SYNE2: variants seen among roughly 807,000 people sequenced by gnomAD.
SYNE2 encodes nesprin-2.
A neutral mutation model predicts 856.3 loss-of-function variants in SYNE2; 431 were observed. The ratio of observed to expected loss-of-function variants is 0.50; its 90% confidence interval spans 0.47 to 0.55. SYNE2 has a LOEUF of 0.55. SYNE2 is among the 20% of genes least tolerant of loss of function. The pLI, the probability that SYNE2 is intolerant of heterozygous loss-of-function variation, is 0.00. For synonymous variants in SYNE2, 2,923 were observed against 2,872.3 expected (o/e 1.02, Z -0.56); for missense variants, 8,129 against 8,023.2 (o/e 1.01, Z -0.50).
At chr14:64,039,085 T>A (rs1262576809) in intron 45 of SYNE2, among the ~76,000 whole-genome samples, 5 of 152,202 alleles carry the variant, frequency 3.3e-5, no homozygotes, top group Non-Finnish European at 5.9e-5. Flanking sequence ...CCTCTGAGAC[T>A]GTGTTGATCT....
chr14:63,793,056 A>T (rs772861826), intron 1 of SYNE2, among the ~76,000 whole-genome samples: 4 of 152,162 alleles, frequency 2.6e-5, no homozygotes, highest in Non-Finnish European at 5.9e-5. Context: ...TAGCACACAG[A>T]ACACTTCATT....
intron 6 of SYNE2, 21 bp from the exon 7 acceptor site, chr14:63,949,802 TAA>T (rs745975731): frequency 2.5e-6 from 4 of 1,613,794 alleles, no homozygotes; most frequent in Non-Finnish European, 3.4e-6. Context: ...TTATAAACGT[TAA>T]GTCTACTTTG....
chr14:64,051,627 G>C lies in SYNE2; in HGVS notation c.7714G>C (p.Asp2572His). ...KFIASIEKEK[D>H]SLGNLKIKWE... is the part of the protein sequence containing the mutation. ...CATAGCATCCATAGAAAAAGAGAAA[G>C]ATTCTTTAGGCAACTTGAAAATCAA... The change falls in exon 48 of 116, where the codon GAT (aspartate) becomes CAT (histidine). Residue 2572 changes from aspartate to histidine, a missense_variant. This residue lies in a region of SYNE2 where 5,410 missense variants were observed against 5,284.8 expected (regional missense o/e 1.02). Transcript: ENST00000555002. 6.2e-7 allele frequency: 1 copy of C among 1,614,002 alleles called. No homozygotes were observed. Among genetic ancestry groups the C allele is most frequent in the East Asian group, 2.2e-5 (1 of 44,884 alleles).
Position 64,062,858 on chromosome 14 carries a change from C to CTT in SYNE2, c.10176_10177dup (p.Tyr3393PhefsTer6), listed in dbSNP as rs2097328309. On this transcript the variant is annotated frameshift_variant, in exon 50 of 116. Transcript: ENST00000555002. LOFTEE classifies it high-confidence loss of function. The stretch of plus-strand genomic sequence containing the variant: ...CAGTCCATGTCCTCGTTGCCACTGT[C>CTT]TTACAGAGAAGCTTTAGAGCGCTTG... The CTT allele has an allele frequency of 6.2e-7, 1 of 1,614,048 alleles. No individual in the cohort carries two copies. The highest frequency in any genetic ancestry group is 1.3e-5 in the African/African-American group (1 of 74,932).
rs762204793 is a variant in SYNE2, at chr14:64,002,012, G to A, written c.3717G>A (p.Leu1239=). The part of the protein sequence containing the change: ...KASLLLCGSD[L]PLHKMAIQGF... ...CACTTCTTCTCTGTGGCTCGGACCT[G>A]CCTCTCCATAAAATGGCCATCCAGG... Residue 1239 remains leucine (L), a synonymous_variant, in exon 29 of 116, where the codon CTG becomes CTA. Transcript: ENST00000555002. 3.7e-6 allele frequency: 6 copies of A among 1,613,966 alleles called. No homozygotes were observed. The East Asian group carries it at 1.1e-4, about 30-fold the overall frequency.
At position 64,113,536 on chromosome 14, in the gene SYNE2, C is replaced by G; in HGVS notation, c.12805C>G (p.Gln4269Glu). ...GCCGGAAACATTAAACGCAGACATG[C>G]AGCAGGTGCTGGAACAGCAGCTGGT... ...VEPETLNADM[Q>E]QVLEQQLVGC... Residue 4269 changes from glutamine (Q) to glutamate (E), a missense_variant, in exon 66 of 116, where the codon CAG becomes GAG. Gln to Glu is a conservative substitution (Grantham distance 29). Transcript: ENST00000555002. 1.2e-6 allele frequency: 2 copies of G among 1,612,790 alleles called. No homozygotes were observed. Among genetic ancestry groups the G allele is most frequent in the Admixed American group, 3.3e-5 (2 of 59,874 alleles).
rs2098662163 is a variant in SYNE2, at chr14:64,215,512, T to C, written c.19402+158T>C. ...GTATTTACACTGCCGTACTCACCCATAACTGCGTGCTCCTTACAAAACCCC... is the reference window on the plus strand; with the variant it reads ...GTATTTACACTGCCGTACTCACCCACAACTGCGTGCTCCTTACAAAACCCC... On this transcript the variant is annotated intron_variant, in intron 107 of 115. Transcript: ENST00000555002. 1.9e-5 allele frequency: 15 copies of C among 782,588 alleles called. No homozygotes were observed. In the South Asian group the frequency reaches 2.1e-4, roughly 11 times the overall value. The allele number at this position is 782,588 out of a possible 1,614,324, so 48.5% of individuals were successfully genotyped here.
Position 63,932,317 on chromosome 14 carries a change from G to A in SYNE2, c.80-8297G>A, listed in dbSNP as rs185332190. Among the ~76,000 whole-genome samples, 157 of 152,322 alleles carry A rather than the reference G, an allele frequency of 1.0e-3. No individual in the cohort carries two copies. The Middle Eastern group carries it at 0.037, about 36-fold the overall frequency. ...GAATCACTTAAACCCGGAAGGCGGA[G>A]GTTGCAGTGAGCCGAGATCGTGCCA... is the stretch of plus-strand genomic sequence containing the variant. On this transcript the variant is annotated intron_variant, in intron 2 of 115. Coordinates refer to ENST00000555002, the MANE Select transcript of SYNE2 (RefSeq NM_182914.3).
At chr14:64,177,608 G>C (rs552843296) in intron 96 of SYNE2, 125 bp downstream of exon 96, 5 of 1,278,624 alleles carry the variant, frequency 3.9e-6, no homozygotes, top group South Asian at 2.5e-5. Flanking sequence ...ATATTTTCCC[G>C]ATCTGTCTAA....
chr14:63,976,571 A>C lies in SYNE2; in HGVS notation c.1137A>C (p.Ala379=). The C allele has an allele frequency of 2.6e-6, 4 of 1,564,092 alleles. No individual in the cohort carries two copies. The highest frequency in any genetic ancestry group is 3.5e-6 in the Non-Finnish European group (4 of 1,149,872). The change falls in exon 12 of 116, where the codon GCA becomes GCC. Residue 379 remains alanine, a synonymous_variant. Coordinates refer to ENST00000555002, the MANE Select transcript of SYNE2 (RefSeq NM_182914.3). ...TTTTTTTTTTTTTTCAGATTAATGC[A>C]TGGAAAATAAAGCTAAATTATGCCT... ...AWDGLDHQIN[A]WKIKLNYALP... is the part of the protein sequence containing the mutation.
At chr14:64,082,328 T>C (rs576594816) in intron 57 of SYNE2, among the ~76,000 whole-genome samples, 2 of 152,272 alleles carry the variant, frequency 1.3e-5, no homozygotes, top group South Asian at 2.1e-4. Flanking sequence ...CTCTCTAATA[T>C]GGGATTTTGG....
At chr14:64,087,955 G>A in intron 58 of SYNE2, 99 bp downstream of exon 58, 1 of 1,315,806 alleles carries the variant, frequency 7.6e-7, no homozygotes, top group Non-Finnish European at 1.1e-6. Flanking sequence ...GGCCAAGGCG[G>A]GTGGATCACT....
Position 64,070,857 on chromosome 14 carries a change from G to T in SYNE2, c.10644G>T (p.Val3548=), listed in dbSNP as rs1483848620. The T allele has an allele frequency of 6.2e-7, 1 of 1,614,002 alleles. No individual in the cohort carries two copies. The highest frequency in any genetic ancestry group is 1.3e-5 in the African/African-American group (1 of 74,898). The change falls in exon 52 of 116, where the codon GTG becomes GTT. Residue 3548 remains valine (V), a synonymous_variant. Transcript: ENST00000555002. ...ATGTTCCTGAAAGCTCAGGGGCTGT[G>T]GAAACTGTTCCAGCATTTCAAGAAA... The part of the protein sequence containing the change: ...IQNVPESSGA[V]ETVPAFQEIT...
Position 64,168,987 on chromosome 14 carries a change from C to T in SYNE2, c.17000+16C>T, listed in dbSNP as rs1473409929. On this transcript the variant is annotated intron_variant, in intron 93 of 115. Transcript: ENST00000555002. The stretch of plus-strand genomic sequence containing the variant: ...TAGAGAACAGGTGAGCTGTCTGGGC[C>T]TCATGAAGGTTGTGGGCGGATGGAA... 1.3e-6 allele frequency: 2 copies of T among 1,598,718 alleles called. No individual in the cohort carries two copies. Among genetic ancestry groups the T allele is most frequent in the South Asian group, 2.2e-5 (2 of 90,726 alleles).
intron 108 of SYNE2, among the ~76,000 whole-genome samples, chr14:64,217,513 G>T (rs1596293543): frequency 6.6e-6 from 1 of 152,206 alleles, no homozygotes; most frequent in African/African-American, 2.4e-5. Context: ...TGGGCTGTTT[G>T]TGTCCAATTC....
At chr14:63,947,447 G>A (rs375689270) in intron 6 of SYNE2, among the ~76,000 whole-genome samples, 37 of 152,272 alleles carry the variant, frequency 2.4e-4, no homozygotes, top group Non-Finnish European at 3.7e-4. Flanking sequence ...TAGATCTACC[G>A]TCTTTCAAGA....
chr14:63,929,155 AGTCTGGTT>A, intron 2 of SYNE2, among the ~76,000 whole-genome samples: 1 of 152,116 alleles, frequency 6.6e-6, no homozygotes, highest in African/African-American at 2.4e-5. Context: ...TTCAGGATGG[AGTCTGGTT>A]ACCAGAAAGA....
rs1595663501 is a variant in SYNE2 at position 64,121,044 on chromosome 14, G to T, written c.13141G>T (p.Asp4381Tyr). The T allele has an allele frequency of 6.2e-7, 1 of 1,614,056 alleles. No homozygotes were observed. The highest frequency in any genetic ancestry group is 8.5e-7 in the Non-Finnish European group (1 of 1,179,956). The change falls in exon 68 of 116, where the codon GAT becomes TAT. Residue 4381 changes from aspartate (D) to tyrosine (Y), a missense_variant. Asp to Tyr is a radical substitution (Grantham distance 160). This residue lies in a region of SYNE2 where 5,410 missense variants were observed against 5,284.8 expected (regional missense o/e 1.02). Coordinates refer to ENST00000555002, the MANE Select transcript of SYNE2 (RefSeq NM_182914.3). ...AAGGCCACAATTCAGCAGACAAAAA[G>T]ATTTCCAGCAGCAACAGGTAATTCT... ...TERPQFSRQK[D>Y]FQQQQVLELK... is the part of the protein sequence containing the mutation.
At chr14:64,089,746 C>T (rs960966684) in intron 59 of SYNE2, 50 bp downstream of exon 59, 7 of 1,404,514 alleles carry the variant, frequency 5.0e-6, no homozygotes, top group Admixed American at 1.7e-5. Flanking sequence ...CTTATTATGT[C>T]TTTTTCAAAA....
Sources: allele counts gnomAD v4.1 joint callset (sites outside exome capture counted in the v4.1 genomes callset), GRCh38; gene constraint gnomAD v4.1.1; regional missense constraint gnomAD v4.1.1; transcripts MANE v1.5; gene names NCBI Gene and HGNC (gene_info 2026-07-23, HGNC 2026-07-21).